The following BRD10 variants were observed in gnomAD, a reference collection of about 807,000 sequenced individuals.
The protein encoded by BRD10 is uncharacterized bromodomain-containing protein 10.
chr9:5,952,509 T>C, the BRD10 span, among the ~76,000 whole-genome samples: 28 of 152,362 alleles, frequency 1.8e-4, 1 homozygote, highest in Middle Eastern at 0.014. Flanking sequence ...ATTGTGCTGA[T>C]TTCTTTTCTA....
At chr9:5,971,052 CAAAAAAAAAAAAA>C in the BRD10 span, among the ~76,000 whole-genome samples, 5 of 43,198 alleles carry the variant, frequency 1.2e-4, no homozygotes, top group Admixed American at 2.7e-4. Flanking sequence ...AGCAACGTCT[CAAAAAAAAAAAAA>C]AAAAAAAAAA....
the BRD10 span, chr9:5,913,987 A>T: frequency 2.2e-6 from 1 of 452,370 alleles, no homozygotes; most frequent in Non-Finnish European, 4.4e-6. Flanking sequence ...TCTGCTATCA[A>T]AACTTGATCA....
the BRD10 span, chr9:5,897,772 G>A: frequency 5.8e-5 from 50 of 862,130 alleles, no homozygotes; most frequent in South Asian, 2.1e-4. Context: ...CTCTGATTCC[G>A]GCTTCTGATG....
At chr9:5,910,665 C>T in the BRD10 span, 2 of 152,262 alleles carry the variant, frequency 1.3e-5, no homozygotes, top group African/African-American at 4.8e-5. Flanking sequence ...CAGAGTTCCT[C>T]AGACAGTGTC....
At chr9:5,949,488 T>C in the BRD10 span, among the ~76,000 whole-genome samples, 1 of 152,238 alleles carries the variant, frequency 6.6e-6, no homozygotes, top group African/African-American at 2.4e-5. Context: ...TGGAGAAGTA[T>C]AGTTTTTTCA....
chr9:5,943,819 A>G, the BRD10 span, among the ~76,000 whole-genome samples: 4 of 152,114 alleles, frequency 2.6e-5, no homozygotes, highest in Non-Finnish European at 4.4e-5. Context: ...ATGAGCATTT[A>G]TTCTCTTAAA....
chr9:6,001,372 G>A, the BRD10 span, among the ~76,000 whole-genome samples: 1 of 152,112 alleles, frequency 6.6e-6, no homozygotes, highest in African/African-American at 2.4e-5. Context: ...AAATTCCCTA[G>A]CAAGCATTCA....
chr9:5,959,999 C>T, the BRD10 span, among the ~76,000 whole-genome samples: 3 of 152,158 alleles, frequency 2.0e-5, no homozygotes, highest in African/African-American at 4.8e-5. Context: ...TGCTTTTGCT[C>T]GTGTTATTCA....
the BRD10 span, chr9:5,969,490 A>G: frequency 8.4e-7 from 1 of 1,186,180 alleles, no homozygotes; most frequent in Non-Finnish European, 1.2e-6. Flanking sequence ...CCATAAAATG[A>G]TAAATTTTAA....
chr9:5,921,800 G>C, the BRD10 span: 2 of 1,613,816 alleles, frequency 1.2e-6, no homozygotes, highest in African/African-American at 2.7e-5. Context: ...ACAAATAGAG[G>C]ACTTCAAGGG....
At chr9:5,887,348 T>C in the BRD10 span, among the ~76,000 whole-genome samples, 1 of 152,138 alleles carries the variant, frequency 6.6e-6, no homozygotes, top group Non-Finnish European at 1.5e-5. Flanking sequence ...TCTGGTCCTG[T>C]AGCATCCTCT....
the BRD10 span, among the ~76,000 whole-genome samples, chr9:5,890,554 A>G: frequency 6.6e-6 from 1 of 152,170 alleles, no homozygotes. Context: ...CTACTTAGAC[A>G]TCAATTAGGT....
the BRD10 span, chr9:5,910,081 C>A: frequency 6.6e-6 from 1 of 152,152 alleles, no homozygotes; most frequent in Non-Finnish European, 1.5e-5. Flanking sequence ...GGCTATGAAC[C>A]TGAGACCTGC....
At chr9:5,971,485 T>C in the BRD10 span, among the ~76,000 whole-genome samples, 1 of 152,204 alleles carries the variant, frequency 6.6e-6, no homozygotes, top group East Asian at 1.9e-4. Context: ...ACACTGGCTA[T>C]TTTTCTATAA....
At chr9:6,007,186 C>A in the BRD10 span, 1 of 1,608,602 alleles carries the variant, frequency 6.2e-7, no homozygotes, top group African/African-American at 1.3e-5. Flanking sequence ...GGGGACCGGG[C>A]TCGCTTACCG....
the BRD10 span, among the ~76,000 whole-genome samples, chr9:6,004,426 A>G: frequency 1.3e-5 from 2 of 152,338 alleles, no homozygotes; most frequent in East Asian, 3.9e-4. Context: ...GGAAACTGAG[A>G]TTCAAGTTAT....
the BRD10 span, among the ~76,000 whole-genome samples, chr9:5,983,630 G>A: frequency 6.6e-5 from 10 of 152,204 alleles, no homozygotes; most frequent in East Asian, 1.9e-3. Context: ...CACTGGATTA[G>A]ACACTGCAGA....
chr9:6,004,124 C>T, the BRD10 span, among the ~76,000 whole-genome samples: 2 of 152,210 alleles, frequency 1.3e-5, no homozygotes, highest in African/African-American at 4.8e-5. Flanking sequence ...ATATAAACAC[C>T]TCTATGATAG....
chr9:5,989,181 G>A, the BRD10 span, among the ~76,000 whole-genome samples: 9 of 139,812 alleles, frequency 6.4e-5, no homozygotes, highest in South Asian at 2.2e-4. Context: ...GTGGTGAGCC[G>A]AGATCACATC....
Sources: allele counts gnomAD v4.1 joint callset (sites outside exome capture counted in the v4.1 genomes callset), GRCh38; gene constraint gnomAD v4.1.1; transcripts MANE v1.5; gene names NCBI Gene and HGNC (gene_info 2026-07-23, HGNC 2026-07-21).